Variants in MCC observed in about 807,000 individuals in gnomAD.
MCC encodes MCC regulator of Wnt signaling pathway, also known as colorectal mutant cancer protein.
Under a neutral mutation model 116.2 loss-of-function variants are expected in MCC, and 90 were observed. The observed-to-expected ratio is 0.77, with a 90% CI of 0.65 to 0.92. MCC has a LOEUF of 0.92. MCC is among the 40% of genes least tolerant of loss of function. MCC has a pLI of 0.00. For synonymous variants in MCC, 578 were observed against 510.5 expected, an observed-to-expected ratio of 1.13 and a Z score of -1.78; for missense variants, 1,516 against 1,312.2, an observed-to-expected ratio of 1.16 and a Z score of -2.40.
chr5:113,259,072 C>A (rs954776479), intron 3 of MCC, among the ~76,000 whole-genome samples: 1 of 152,100 alleles, frequency 6.6e-6, no homozygotes, highest in Non-Finnish European at 1.5e-5. Flanking sequence ...TTTAAACCCA[C>A]CCATATTTTT....
chr5:113,249,998 T>G (rs557173929), intron 3 of MCC, among the ~76,000 whole-genome samples: 52 of 152,352 alleles, frequency 3.4e-4, no homozygotes, highest in African/African-American at 1.1e-3. Context: ...AATGCAGTAT[T>G]TCAGGAACCA....
At chr5:113,440,409 G>C (rs1771000756) in intron 1 of MCC, among the ~76,000 whole-genome samples, 1 of 151,980 alleles carries the variant, frequency 6.6e-6, no homozygotes, top group Non-Finnish European at 1.5e-5. Flanking sequence ...ACAACACCTT[G>C]ATCTCATTTT....
chr5:113,060,277 C>G (rs1561766546), intron 14 of MCC, among the ~76,000 whole-genome samples: 1 of 152,146 alleles, frequency 6.6e-6, no homozygotes, highest in African/African-American at 2.4e-5. Context: ...GCCTCAGCCT[C>G]CTGAGTAGCT....
At chr5:113,407,926 A>G (rs1321700123) in intron 1 of MCC, among the ~76,000 whole-genome samples, 1 of 152,210 alleles carries the variant, frequency 6.6e-6, no homozygotes, top group Non-Finnish European at 1.5e-5. Context: ...ATGAAAACTT[A>G]GCCCAGACAC....
chr5:113,388,778 A>G (rs1769333578), intron 1 of MCC, among the ~76,000 whole-genome samples: 1 of 152,350 alleles, frequency 6.6e-6, no homozygotes, highest in East Asian at 1.9e-4. Flanking sequence ...CAGCCACGCA[A>G]GAATAGACTA....
intron 1 of MCC, among the ~76,000 whole-genome samples, chr5:113,478,097 T>C (rs1772281178): frequency 1.3e-5 from 2 of 152,188 alleles, no homozygotes; most frequent in Admixed American, 6.5e-5. Flanking sequence ...CTCCACTTTT[T>C]GGTGATGACA....
intron 11 of MCC, 39 bp from the exon 12 acceptor site, chr5:113,071,273 A>T: frequency 6.3e-7 from 1 of 1,597,432 alleles, no homozygotes; most frequent in South Asian, 1.1e-5. Context: ...CTAGGGTTAC[A>T]GTTAATTTGC....
chr5:113,118,005 G>T (rs2150266867), intron 6 of MCC, among the ~76,000 whole-genome samples: 1 of 152,296 alleles, frequency 6.6e-6, no homozygotes, highest in East Asian at 1.9e-4. Context: ...GAGTATCAAA[G>T]GAAAGCCATC....
At chr5:113,065,680 A>G (rs7708345) in intron 13 of MCC, among the ~76,000 whole-genome samples, 2,412 of 152,334 alleles carry the variant, frequency 0.016, 68 homozygotes, top group African/African-American at 0.055. Flanking sequence ...AATGAACAGA[A>G]TGAATGCCTG....
At chr5:113,032,489 T>A (rs1238422495) in intron 17 of MCC, among the ~76,000 whole-genome samples, 2 of 152,080 alleles carry the variant, frequency 1.3e-5, no homozygotes, top group African/African-American at 2.4e-5. Context: ...TTATTAAAAT[T>A]AATTTCATGT....
chr5:113,044,366 T>A, intron 16 of MCC: 1 of 437,670 alleles, frequency 2.3e-6, no homozygotes. Context: ...GTGCTCCAAA[T>A]CCTATAGTTA....
chr5:113,363,593 A>G (rs1243182174), intron 2 of MCC, among the ~76,000 whole-genome samples: 3 of 152,198 alleles, frequency 2.0e-5, no homozygotes, highest in Non-Finnish European at 2.9e-5. Flanking sequence ...ACTCTGCCCC[A>G]TGATCCAGTC....
chr5:113,482,411 T>C (rs980634639), intron 1 of MCC, among the ~76,000 whole-genome samples: 2 of 152,200 alleles, frequency 1.3e-5, no homozygotes, highest in African/African-American at 2.4e-5. Context: ...TTTACATCCT[T>C]GTCAACACTT....
intron 3 of MCC, among the ~76,000 whole-genome samples, chr5:113,258,393 C>G (rs1765098552): frequency 6.6e-6 from 1 of 152,218 alleles, no homozygotes; most frequent in East Asian, 1.9e-4. Flanking sequence ...GGTCTATGGC[C>G]TGTTAGGAAC....
At chr5:113,124,948 C>T (rs554040971) in intron 5 of MCC, among the ~76,000 whole-genome samples, 59 of 152,336 alleles carry the variant, frequency 3.9e-4, no homozygotes, top group African/African-American at 1.4e-3. Flanking sequence ...GGTGGAGCAG[C>T]GCTCAAGATC....
intron 17 of MCC, among the ~76,000 whole-genome samples, chr5:113,031,062 C>G (rs1395792150): frequency 6.6e-6 from 1 of 152,174 alleles, no homozygotes; most frequent in Admixed American, 6.5e-5. Context: ...TATATCTAAT[C>G]TTTTACATTT....
At chr5:113,247,463 A>G (rs1045433195) in intron 3 of MCC, among the ~76,000 whole-genome samples, 1 of 152,242 alleles carries the variant, frequency 6.6e-6, no homozygotes, top group Non-Finnish European at 1.5e-5. Context: ...ATGGCAAGCT[A>G]AGGAATTGAG....
At chr5:113,075,141 G>C (rs543306992) in intron 11 of MCC, among the ~76,000 whole-genome samples, 2 of 152,336 alleles carry the variant, frequency 1.3e-5, no homozygotes, top group African/African-American at 4.8e-5. Flanking sequence ...CAGCCGGCTG[G>C]TGCCACTGGC....
intron 3 of MCC, among the ~76,000 whole-genome samples, chr5:113,209,360 A>G (rs1287625147): frequency 6.6e-6 from 1 of 152,220 alleles, no homozygotes; most frequent in Admixed American, 6.5e-5. Flanking sequence ...ATGGCTCCCC[A>G]GTCAGTCATG....
Sources: gnomAD v4.1 joint callset for allele counts (sites outside exome capture counted in the v4.1 genomes callset) on GRCh38, gnomAD v4.1.1 for gene constraint, MANE v1.5 for transcripts, NCBI Gene and HGNC (gene_info 2026-07-23, HGNC 2026-07-21) for gene names.